KCNJ6: variants seen among roughly 807,000 people sequenced by gnomAD.
KCNJ6 encodes potassium inwardly rectifying channel subfamily J member 6.
In KCNJ6, 9 loss-of-function variants were observed where a neutral mutation model predicts 34.2. The ratio of observed to expected loss-of-function variants is 0.26; its 90% confidence interval spans 0.16 to 0.46. The LOEUF is 0.46. Among genes scored for constraint, KCNJ6 ranks in the 20% least tolerant of loss-of-function variants. KCNJ6 has a pLI of 1.00. For synonymous variants in KCNJ6, 196 were observed against 207.1 expected (o/e 0.95, Z 0.46); for missense variants, 236 against 531.3 (o/e 0.44, Z 5.46).
At chr21:37,843,381 G>C (rs564434488) in intron 1 of KCNJ6, among the ~76,000 whole-genome samples, 1 of 152,256 alleles carries the variant, frequency 6.6e-6, no homozygotes, top group African/African-American at 2.4e-5. Context: ...AGCTCTCCCA[G>C]ACTGACTCAT....
intron 3 of KCNJ6, among the ~76,000 whole-genome samples, chr21:37,669,297 T>G (rs956300145): frequency 6.6e-6 from 1 of 152,214 alleles, no homozygotes; most frequent in South Asian, 2.1e-4. Context: ...TATGTCTCCC[T>G]AAAACGTATA....
intron 3 of KCNJ6, among the ~76,000 whole-genome samples, chr21:37,638,558 A>G (rs1186195864): frequency 6.6e-6 from 1 of 152,244 alleles, no homozygotes; most frequent in Admixed American, 6.5e-5. Context: ...GGCATTCTGC[A>G]CACCAGCACC....
chr21:37,728,680 A>G (rs893433950), intron 2 of KCNJ6, among the ~76,000 whole-genome samples: 1 of 144,410 alleles, frequency 6.9e-6, no homozygotes, highest in Non-Finnish European at 1.5e-5. Context: ...CTGGGTAGGT[A>G]TGTGTGTGTG....
At chr21:37,735,099 G>A (rs532066421) in intron 2 of KCNJ6, among the ~76,000 whole-genome samples, 4 of 152,140 alleles carry the variant, frequency 2.6e-5, no homozygotes, top group Non-Finnish European at 4.4e-5. Context: ...TGTCCTCAGC[G>A]TGCACCGACT....
intron 2 of KCNJ6, among the ~76,000 whole-genome samples, chr21:37,722,898 C>T (rs189409831): frequency 3.3e-5 from 5 of 152,212 alleles, no homozygotes; most frequent in Admixed American, 2.6e-4. Context: ...TGACTACGTC[C>T]CTTGAAAACA....
chr21:37,757,381 T>C (rs113681557), intron 2 of KCNJ6, among the ~76,000 whole-genome samples: 335 of 340 alleles, frequency 0.99, 167 homozygotes, highest in South Asian at 1. Context: ...GATTCCAGCC[T>C]GGAGTGTGCT....
intron 2 of KCNJ6, among the ~76,000 whole-genome samples, chr21:37,765,738 T>G (rs1445027025): frequency 6.6e-6 from 1 of 152,214 alleles, no homozygotes; most frequent in Non-Finnish European, 1.5e-5. Context: ...ATTAAAGAAG[T>G]TGTTCAAGTC....
chr21:37,780,778 C>T (rs1032875241), intron 2 of KCNJ6, among the ~76,000 whole-genome samples: 4 of 152,040 alleles, frequency 2.6e-5, no homozygotes, highest in Admixed American at 2.6e-4. Context: ...GATGGATACC[C>T]TATTTTGCAT....
chr21:37,870,442 C>G (rs1271932896), intron 1 of KCNJ6, among the ~76,000 whole-genome samples: 1 of 152,190 alleles, frequency 6.6e-6, no homozygotes, highest in Non-Finnish European at 1.5e-5. Flanking sequence ...GGCAAAGACC[C>G]AAACCCATCC....
At chr21:37,634,866 C>G (rs1293618060) in intron 3 of KCNJ6, among the ~76,000 whole-genome samples, 1 of 150,624 alleles carries the variant, frequency 6.6e-6, no homozygotes, top group East Asian at 2.0e-4. Flanking sequence ...TCAAGTGATT[C>G]TTGTGTCTCA....
chr21:37,824,987 G>A (rs905356093), intron 2 of KCNJ6, among the ~76,000 whole-genome samples: 1 of 152,030 alleles, frequency 6.6e-6, no homozygotes, highest in African/African-American at 2.4e-5. Context: ...TTTCAAGGCC[G>A]GCATCTGTAA....
At chr21:37,834,806 C>T (rs2055443902) in intron 2 of KCNJ6, among the ~76,000 whole-genome samples, 1 of 152,210 alleles carries the variant, frequency 6.6e-6, no homozygotes, top group African/African-American at 2.4e-5. Context: ...ACCTCTGAAC[C>T]CCTCACAGAG....
intron 2 of KCNJ6, among the ~76,000 whole-genome samples, chr21:37,715,342 C>T (rs539622131): frequency 4.4e-4 from 67 of 152,342 alleles, no homozygotes; most frequent in African/African-American, 1.5e-3. Flanking sequence ...TGTGTAAGTA[C>T]TTCACCATCC....
At chr21:37,628,964 G>A (rs1569432789) in intron 3 of KCNJ6, among the ~76,000 whole-genome samples, 1 of 152,166 alleles carries the variant, frequency 6.6e-6, no homozygotes, top group Non-Finnish European at 1.5e-5. Context: ...AAATGAAGGA[G>A]AAATGAAGCC....
chr21:37,830,820 C>T (rs530748454), intron 2 of KCNJ6, among the ~76,000 whole-genome samples: 1 of 152,314 alleles, frequency 6.6e-6, no homozygotes, highest in Non-Finnish European at 1.5e-5. Flanking sequence ...CGTGATGGTT[C>T]TAAAATTTTG....
intron 1 of KCNJ6, among the ~76,000 whole-genome samples, chr21:37,851,678 CT>C (rs879943007): frequency 2.0e-5 from 3 of 151,244 alleles, no homozygotes; most frequent in African/African-American, 4.9e-5. Context: ...TTTATCTCTT[CT>C]TTTTTTTTCT....
chr21:37,679,312 G>A (rs2054580640), intron 3 of KCNJ6, among the ~76,000 whole-genome samples: 1 of 152,216 alleles, frequency 6.6e-6, no homozygotes, highest in African/African-American at 2.4e-5. Context: ...CAGCCACTAA[G>A]TTTTGGGGTA....
intron 3 of KCNJ6, among the ~76,000 whole-genome samples, chr21:37,688,553 T>A (rs1014803710): frequency 6.6e-6 from 1 of 152,120 alleles, no homozygotes; most frequent in African/African-American, 2.4e-5. Context: ...AGGGCATGAG[T>A]GAAAGGGCTC....
At chr21:37,734,267 A>T (rs967020403) in intron 2 of KCNJ6, among the ~76,000 whole-genome samples, 4 of 152,080 alleles carry the variant, frequency 2.6e-5, no homozygotes, top group African/African-American at 9.7e-5. Context: ...GGTGGCTTGA[A>T]GATGCTCCCA....
Sources: allele counts gnomAD v4.1 joint callset (sites outside exome capture counted in the v4.1 genomes callset), GRCh38; gene constraint gnomAD v4.1.1; transcripts MANE v1.5; gene names NCBI Gene and HGNC (gene_info 2026-07-23, HGNC 2026-07-21).